SH3RF3: variants seen among roughly 807,000 people sequenced by gnomAD.
The protein encoded by SH3RF3 is SH3 domain containing ring finger 3.
Under a neutral mutation model 66.3 loss-of-function variants are expected in SH3RF3, and 29 were observed. The observed-to-expected ratio is 0.44, with a 90% confidence interval of 0.33 to 0.60. SH3RF3 has a LOEUF of 0.60. Among genes scored for constraint, SH3RF3 ranks in the 20% least tolerant of loss-of-function variants. The probability of loss-of-function intolerance (pLI) is 0.04; values close to 1 mark genes in which losing one functional copy is unlikely to be tolerated. For missense variants in SH3RF3, 1,194 were observed against 1,190.9 expected, an observed-to-expected ratio of 1.00 and a Z score of -0.04; for synonymous variants, 583 against 532.0, an observed-to-expected ratio of 1.10 and a Z score of -1.32.
At chr2:109,250,156 T>C (rs1680051517) in intron 1 of SH3RF3, among the ~76,000 whole-genome samples, 1 of 151,990 alleles carries the variant, frequency 6.6e-6, no homozygotes, top group Admixed American at 6.6e-5. Flanking sequence ...TTCTCTGTCT[T>C]TAAGGTTTTT....
intron 6 of SH3RF3, among the ~76,000 whole-genome samples, chr2:109,434,238 G>A (rs1195283131): frequency 1.3e-5 from 2 of 152,330 alleles, no homozygotes; most frequent in African/African-American, 2.4e-5. Context: ...GGGCTCGCCC[G>A]CCCTGCTGGG....
At chr2:109,136,226 TA>T (rs59898984) in intron 1 of SH3RF3, among the ~76,000 whole-genome samples, 6,239 of 151,066 alleles carry the variant, frequency 0.041, 388 homozygotes, top group African/African-American at 0.14. Context: ...TGAGGTGCAT[TA>T]AAAAAAAACA....
chr2:109,309,984 G>C (rs540437570), intron 1 of SH3RF3, among the ~76,000 whole-genome samples: 1 of 125,594 alleles, frequency 8.0e-6, no homozygotes, highest in Non-Finnish European at 1.6e-5. Flanking sequence ...CTCTGCACCA[G>C]GTGGACCTAA....
intron 3 of SH3RF3, among the ~76,000 whole-genome samples, chr2:109,392,969 C>T (rs1187637390): frequency 6.6e-6 from 1 of 152,190 alleles, no homozygotes; most frequent in Non-Finnish European, 1.5e-5. Context: ...GAATCCTTCC[C>T]TCTCCACCGC....
At chr2:109,460,698 G>A (rs1226497264) in intron 8 of SH3RF3, among the ~76,000 whole-genome samples, 4 of 152,154 alleles carry the variant, frequency 2.6e-5, no homozygotes, top group Admixed American at 6.5e-5. Context: ...TTTCACATGT[G>A]CTTTTCCAAT....
At chr2:109,180,042 G>A (rs577477029) in intron 1 of SH3RF3, among the ~76,000 whole-genome samples, 2 of 152,184 alleles carry the variant, frequency 1.3e-5, no homozygotes, top group South Asian at 4.2e-4. Flanking sequence ...GGATCTTATT[G>A]TAAGGTTTGC....
intron 1 of SH3RF3, among the ~76,000 whole-genome samples, chr2:109,236,664 G>A (rs4676266): frequency 0.14 from 21,841 of 152,108 alleles, 3,179 homozygotes; most frequent in African/African-American, 0.36. Flanking sequence ...GATTAAAGAC[G>A]CCTAAAGGTC....
chr2:109,448,409 G>C (rs947826297), intron 7 of SH3RF3, among the ~76,000 whole-genome samples: 1 of 152,202 alleles, frequency 6.6e-6, no homozygotes, highest in African/African-American at 2.4e-5. Context: ...GTTGTGAGTG[G>C]TGGGTGAGCA....
chr2:109,194,435 C>T (rs1021729994), intron 1 of SH3RF3, among the ~76,000 whole-genome samples: 6 of 152,234 alleles, frequency 3.9e-5, no homozygotes, highest in East Asian at 3.8e-4. Flanking sequence ...GCTGCGCTCT[C>T]GGCTGGCTGA....
intron 1 of SH3RF3, among the ~76,000 whole-genome samples, chr2:109,230,169 A>C (rs944353947): frequency 6.6e-6 from 1 of 151,506 alleles, no homozygotes; most frequent in African/African-American, 2.4e-5. Flanking sequence ...CGTCGTATGG[A>C]TATACTATAT....
intron 5 of SH3RF3, among the ~76,000 whole-genome samples, chr2:109,420,771 G>C (rs768007631): frequency 6.6e-6 from 1 of 152,120 alleles, no homozygotes; most frequent in Non-Finnish European, 1.5e-5. Flanking sequence ...AAGCAAAAAA[G>C]TATTTTGAAG....
intron 3 of SH3RF3, among the ~76,000 whole-genome samples, chr2:109,391,360 G>A (rs1296057936): frequency 6.6e-6 from 1 of 152,224 alleles, no homozygotes; most frequent in Admixed American, 6.5e-5. Context: ...GGACAGGATG[G>A]GAAAGGCACA....
intron 1 of SH3RF3, among the ~76,000 whole-genome samples, chr2:109,153,774 A>G (rs1326736507): frequency 6.6e-6 from 1 of 152,086 alleles, no homozygotes; most frequent in Non-Finnish European, 1.5e-5. Flanking sequence ...AGCCACATTA[A>G]CCACCCCCCG....
chr2:109,472,062 C>T (rs1321894889), intron 8 of SH3RF3, among the ~76,000 whole-genome samples: 4 of 152,202 alleles, frequency 2.6e-5, no homozygotes, highest in African/African-American at 9.6e-5. Flanking sequence ...GACATCTCAG[C>T]TTCTTTCAAA....
At chr2:109,397,764 G>A (rs1676189541) in intron 3 of SH3RF3, among the ~76,000 whole-genome samples, 1 of 152,230 alleles carries the variant, frequency 6.6e-6, no homozygotes, top group South Asian at 2.1e-4. Flanking sequence ...CCGCAGCCCT[G>A]AGAGGAAGGA....
intron 1 of SH3RF3, among the ~76,000 whole-genome samples, chr2:109,274,939 T>A (rs1380384987): frequency 6.6e-6 from 1 of 152,032 alleles, no homozygotes; most frequent in African/African-American, 2.4e-5. Flanking sequence ...TGCCATTGAA[T>A]TGTTCACTTT....
intron 1 of SH3RF3, among the ~76,000 whole-genome samples, chr2:109,329,990 T>C (rs1457994621): frequency 6.6e-6 from 1 of 152,268 alleles, no homozygotes; most frequent in Non-Finnish European, 1.5e-5. Flanking sequence ...TGACTAGCAT[T>C]GAGAGAATGT....
chr2:109,132,387 C>T (rs1676720267), intron 1 of SH3RF3, among the ~76,000 whole-genome samples: 1 of 152,142 alleles, frequency 6.6e-6, no homozygotes, highest in Non-Finnish European at 1.5e-5. Flanking sequence ...GGACACAAAA[C>T]AGTGTTTTCC....
chr2:109,392,394 T>G (rs566364612), intron 3 of SH3RF3, among the ~76,000 whole-genome samples: 1 of 152,304 alleles, frequency 6.6e-6, no homozygotes, highest in East Asian at 1.9e-4. Flanking sequence ...CTCAGTTTCC[T>G]TATCTGTAAA....
Sources: gnomAD v4.1 joint callset for allele counts (sites outside exome capture counted in the v4.1 genomes callset) on GRCh38, gnomAD v4.1.1 for gene constraint, MANE v1.5 for transcripts, NCBI Gene and HGNC (gene_info 2026-07-23, HGNC 2026-07-21) for gene names.